The following DOCK8 variants were observed in gnomAD, a reference collection of about 807,000 sequenced individuals.
The protein encoded by DOCK8 is dedicator of cytokinesis 8.
Under a neutral mutation model 245.6 loss-of-function variants are expected in DOCK8, and 141 were observed. The ratio of observed to expected loss-of-function variants is 0.57; its 90% CI spans 0.50 to 0.66. The LOEUF is 0.66. Ranked by LOEUF, DOCK8 falls within the 30% of genes least tolerant of loss-of-function variation. DOCK8 has a pLI of 0.00. For missense variants in DOCK8, 2,965 were observed against 2,603.4 expected (o/e 1.14, Z -3.02); for synonymous variants, 1,168 against 970.2 (o/e 1.20, Z -3.79).
At chr9:273,021 A>AC (rs1487693057) in intron 2 of DOCK8, 1 of 984,914 alleles carries the variant, frequency 1.0e-6, no homozygotes, top group Non-Finnish European at 1.2e-6. Context: ...AAATTTTGTA[A>AC]CCTTCCGCTC....
At chr9:261,768 C>G (rs532134614) in intron 1 of DOCK8, among the ~76,000 whole-genome samples, 1 of 151,988 alleles carries the variant, frequency 6.6e-6, no homozygotes, top group African/African-American at 2.4e-5. Context: ...TATTTTGAGC[C>G]TATATTACTT....
chr9:231,170 A>AT (rs202239648), intron 1 of DOCK8, among the ~76,000 whole-genome samples: 10,572 of 152,096 alleles, frequency 0.07, 375 homozygotes, highest in African/African-American at 0.094. Context: ...TCCTTTCCCC[A>AT]TTGCTTGTTT....
intron 8 of DOCK8, among the ~76,000 whole-genome samples, chr9:327,276 C>G (rs1431363005): frequency 6.6e-6 from 1 of 152,198 alleles, no homozygotes; most frequent in African/African-American, 2.4e-5. Flanking sequence ...TTGTCCTTGT[C>G]ACCCAACTGC....
intron 1 of DOCK8, among the ~76,000 whole-genome samples, chr9:234,975 C>G (rs560883243): frequency 3.7e-4 from 56 of 152,306 alleles, no homozygotes; most frequent in African/African-American, 1.2e-3. Context: ...GAGGCACTCT[C>G]ATTTTTAGAG....
chr9:290,426 G>T (rs563756387), intron 4 of DOCK8, among the ~76,000 whole-genome samples: 2 of 152,298 alleles, frequency 1.3e-5, no homozygotes, highest in East Asian at 3.9e-4. Context: ...TAATTCTGAT[G>T]AATTCCCAGG....
intron 1 of DOCK8, among the ~76,000 whole-genome samples, chr9:263,074 G>A (rs1481676881): frequency 3.9e-5 from 6 of 152,156 alleles, no homozygotes; most frequent in African/African-American, 1.2e-4. Context: ...GGGCGTGGTG[G>A]CAGGTGCCTG....
intron 27 of DOCK8, among the ~76,000 whole-genome samples, chr9:406,381 G>A (rs548649746): frequency 2.6e-5 from 4 of 151,946 alleles, no homozygotes; most frequent in Admixed American, 6.5e-5. Flanking sequence ...CAGCTACTTG[G>A]GACGCTGAGG....
At chr9:309,516 A>T (rs2050003408) in intron 5 of DOCK8, among the ~76,000 whole-genome samples, 1 of 152,222 alleles carries the variant, frequency 6.6e-6, no homozygotes, top group Non-Finnish European at 1.5e-5. Flanking sequence ...GATTACAGTT[A>T]TACATTTTTT....
chr9:411,080 A>G (rs1194388248), intron 28 of DOCK8, among the ~76,000 whole-genome samples: 1 of 152,222 alleles, frequency 6.6e-6, no homozygotes, highest in African/African-American at 2.4e-5. Flanking sequence ...TGAGTTAGTA[A>G]TCAAACTTCC....
Position 244,233 on chromosome 9 carries a change from C to T in DOCK8, c.54-27394C>T, listed in dbSNP as rs1053514641. Among the ~76,000 whole-genome samples the T allele has an allele frequency of 3.3e-5, 5 of 151,132 alleles. No homozygotes were observed. The East Asian group carries it at 7.8e-4, about 23-fold the overall frequency. ...AATTTTAGCTCTCAAAGTTTTCCTC[C>T]ATGTTCCATGAAAATACACTTTACA... is the stretch of plus-strand genomic sequence containing the variant. On this transcript the variant is annotated intron_variant, in intron 1 of 47. Coordinates refer to ENST00000432829, the MANE Select transcript of DOCK8 (RefSeq NM_203447.4).
chr9:318,885 A>C (rs1013023505), intron 7 of DOCK8, among the ~76,000 whole-genome samples: 5 of 152,346 alleles, frequency 3.3e-5, no homozygotes, highest in African/African-American at 9.6e-5. Flanking sequence ...AGATGGCAGA[A>C]ATTCTCCTCT....
At chr9:227,980 A>G (rs12339394) in intron 1 of DOCK8, among the ~76,000 whole-genome samples, 11,410 of 152,216 alleles carry the variant, frequency 0.075, 461 homozygotes, top group African/African-American at 0.11. Flanking sequence ...CATTGGATTT[A>G]CCCTGAAGGT....
At chr9:360,262 GCTGAGATCATGCCACTGCACTCCAGC>G in intron 14 of DOCK8, among the ~76,000 whole-genome samples, 1 of 151,060 alleles carries the variant, frequency 6.6e-6, no homozygotes, top group Admixed American at 6.6e-5. Flanking sequence ...GTTGCAGTTA[GCTGAGATCATGCCACTGCACTCCAGC>G]CTGGGCAACA....
At chr9:326,217 A>G (rs1275363635) in intron 8 of DOCK8, among the ~76,000 whole-genome samples, 3 of 152,190 alleles carry the variant, frequency 2.0e-5, no homozygotes, top group African/African-American at 7.2e-5. Flanking sequence ...TGTGTTTTTA[A>G]TGTTTAGTCA....
chr9:333,651 T>C (rs2130873161), intron 10 of DOCK8, among the ~76,000 whole-genome samples: 1 of 152,172 alleles, frequency 6.6e-6, no homozygotes, highest in East Asian at 1.9e-4. Context: ...TTATTAGTAT[T>C]GTACTCTACA....
chr9:267,841 C>G (rs1238123705), intron 1 of DOCK8: 2 of 152,176 alleles, frequency 1.3e-5, no homozygotes, highest in African/African-American at 4.8e-5. Context: ...TGCTATCATG[C>G]TATCATATAC....
At chr9:226,934 T>TA (rs2047002486) in intron 1 of DOCK8, among the ~76,000 whole-genome samples, 1 of 152,210 alleles carries the variant, frequency 6.6e-6, no homozygotes, top group South Asian at 2.1e-4. Context: ...CAGAAAGCTA[T>TA]ATGCGTAATA....
intron 5 of DOCK8, among the ~76,000 whole-genome samples, chr9:305,413 G>T (rs1251125987): frequency 2.0e-5 from 3 of 149,012 alleles, no homozygotes; most frequent in African/African-American, 2.4e-5. Context: ...CTCCCAGGTA[G>T]CTGGGACTAC....
chr9:269,474 T>A (rs76869327), intron 1 of DOCK8, among the ~76,000 whole-genome samples: 7,235 of 152,152 alleles, frequency 0.048, 225 homozygotes, highest in South Asian at 0.071. Flanking sequence ...ACGTTTGGAT[T>A]TTTTCCATTT....
Sources: gnomAD v4.1 joint callset for allele counts (sites outside exome capture counted in the v4.1 genomes callset) on GRCh38, gnomAD v4.1.1 for gene constraint, MANE v1.5 for transcripts, NCBI Gene and HGNC (gene_info 2026-07-23, HGNC 2026-07-21) for gene names.